The following RICTOR variants were observed in gnomAD, a reference collection of about 807,000 sequenced individuals.
RICTOR encodes the protein rapamycin-insensitive companion of mTOR.
Under a neutral mutation model 214.9 loss-of-function variants are expected in RICTOR, and 49 were observed. That is an observed-to-expected ratio of 0.23 (90% CI 0.18 to 0.29). The LOEUF (loss-of-function observed/expected upper bound fraction) is 0.29. Ranked by LOEUF, RICTOR falls within the 10% of genes least tolerant of loss-of-function variation. The pLI is 1.00. For missense variants in RICTOR, 1,625 were observed against 2,047.0 expected, an observed-to-expected ratio of 0.79 and a Z score of 3.98; for synonymous variants, 717 against 711.3, an observed-to-expected ratio of 1.01 and a Z score of -0.13.
rs755173844 is a variant in RICTOR at position 38,942,786 on chromosome 5, A to G, written c.5052+47T>C. On this transcript the variant is annotated intron_variant, in intron 37 of 37. Coordinates refer to ENST00000357387, the MANE Select transcript of RICTOR (RefSeq NM_152756.5). Reference sequence around the variant, plus strand: ...CTGTATTTTAATTCAATTCAAACACAGAATTATTCTTGGAAGATAAATTTG... The same window carrying G: ...CTGTATTTTAATTCAATTCAAACACGGAATTATTCTTGGAAGATAAATTTG... 5 of 1,437,892 alleles carry G rather than the reference A, an allele frequency of 3.5e-6. No individual in the cohort carries two copies. In the South Asian group the frequency reaches 4.6e-5, roughly 13 times the overall value. 89.1% of individuals were successfully genotyped at this position (1,437,892 alleles called of 1,614,324 possible).
chr5:38,949,639 T>G, intron 31 of RICTOR, 73 bp downstream of exon 31: 1 of 1,362,358 alleles, frequency 7.3e-7, no homozygotes, highest in Non-Finnish European at 1.0e-6. Context: ...GTGTAAAACC[T>G]GGCTAACATT....
intron 8 of RICTOR, 29 bp from the exon 9 acceptor site, chr5:38,978,679 G>A (rs1196662887): frequency 1.7e-6 from 2 of 1,146,246 alleles, no homozygotes; most frequent in Admixed American, 4.1e-5. Flanking sequence ...GAAGAAAAGA[G>A]TCTTTATTTT....
intron 3 of RICTOR, among the ~76,000 whole-genome samples, chr5:39,011,753 C>G (rs535781027): frequency 6.6e-6 from 1 of 152,220 alleles, no homozygotes; most frequent in South Asian, 2.1e-4. Flanking sequence ...GCCTGTAGCT[C>G]TTTTGTTTTG....
At chr5:39,016,071 G>A (rs922459729) in intron 3 of RICTOR, among the ~76,000 whole-genome samples, 5 of 152,046 alleles carry the variant, frequency 3.3e-5, no homozygotes, top group Non-Finnish European at 5.9e-5. Context: ...GACTCAGGGC[G>A]TACTCACTCT....
At chr5:39,058,949 A>C (rs1197413226) in intron 2 of RICTOR, among the ~76,000 whole-genome samples, 1 of 152,174 alleles carries the variant, frequency 6.6e-6, no homozygotes. Context: ...AACTGGCCAA[A>C]ACCTGTTCAA....
intron 27 of RICTOR, among the ~76,000 whole-genome samples, chr5:38,953,898 A>C (rs1454031070): frequency 6.6e-6 from 1 of 151,872 alleles, no homozygotes; most frequent in African/African-American, 2.4e-5. Flanking sequence ...CTTGGCACTT[A>C]GTATTACTAA....
intron 19 of RICTOR, among the ~76,000 whole-genome samples, chr5:38,961,182 G>A (rs1331646725): frequency 6.6e-6 from 1 of 151,954 alleles, no homozygotes; most frequent in Non-Finnish European, 1.5e-5. Flanking sequence ...AGAATTTTAT[G>A]GTGAGATGGT....
chr5:39,056,080 G>A (rs555168073), intron 2 of RICTOR, among the ~76,000 whole-genome samples: 6 of 152,160 alleles, frequency 3.9e-5, no homozygotes, highest in Non-Finnish European at 7.3e-5. Context: ...AACATATTAG[G>A]TTTGATGTAC....
Position 38,959,255 on chromosome 5 carries a change from G to C in RICTOR, c.2118C>G (p.Asp706Glu), listed in dbSNP as rs1312040254. The C allele has an allele frequency of 2.2e-5, 36 of 1,602,004 alleles. No individual in the cohort carries two copies. The highest frequency in any genetic ancestry group is 3.0e-5 in the Non-Finnish European group (35 of 1,173,016). Residue 706 changes from aspartate (D) to glutamate (E), a missense_variant, in exon 22 of 38, where the codon GAC (aspartate) becomes GAG (glutamate). This residue lies in a region of RICTOR where 1,214 missense variants were observed against 1,470.5 expected (regional missense o/e 0.83). Coordinates refer to ENST00000357387, the MANE Select transcript of RICTOR (RefSeq NM_152756.5). ...HLLKLTVSSL[D>E]YSRDGLARVI... Reference sequence around the variant, plus strand: ...CTCTAGCCAATCCATCTCTGCTATAGTCCAAGCTAGAAACAGTAAGTTTTA... The same window carrying C: ...CTCTAGCCAATCCATCTCTGCTATACTCCAAGCTAGAAACAGTAAGTTTTA...
At chr5:38,945,456 C>T in intron 34 of RICTOR, 35 bp downstream of exon 34, 1 of 1,402,872 alleles carries the variant, frequency 7.1e-7, no homozygotes, top group Non-Finnish European at 1.0e-6. Flanking sequence ...TTAGTCATCA[C>T]TAGGTTTTTC....
chr5:39,061,814 CTT>C (rs1223710790), intron 2 of RICTOR, among the ~76,000 whole-genome samples: 1 of 151,794 alleles, frequency 6.6e-6, no homozygotes, highest in African/African-American at 2.4e-5. Context: ...CAACCAGAAT[CTT>C]TTCAAATATA....
At chr5:38,964,637 T>C (rs1366190668) in intron 16 of RICTOR, among the ~76,000 whole-genome samples, 155 bp downstream of exon 16, 1 of 151,936 alleles carries the variant, frequency 6.6e-6, no homozygotes, top group Non-Finnish European at 1.5e-5. Flanking sequence ...AATTATTAAA[T>C]ATTTTTAGAA....
intron 6 of RICTOR, among the ~76,000 whole-genome samples, chr5:38,992,373 A>G (rs1752852739): frequency 6.6e-6 from 1 of 152,146 alleles, no homozygotes; most frequent in Non-Finnish European, 1.5e-5. Flanking sequence ...GATTATTATT[A>G]TTCTTATAAG....
At chr5:38,975,980 G>C (rs10941416) in intron 9 of RICTOR, among the ~76,000 whole-genome samples, 145,443 of 152,274 alleles carry the variant, frequency 0.96, 69,588 homozygotes, top group East Asian at 0.99. Flanking sequence ...CACACACACT[G>C]TTTACTTCAC....
chr5:39,074,025 GC>G (rs1759530646), intron 2 of RICTOR, 85 bp downstream of exon 2: 1 of 1,014,612 alleles, frequency 9.9e-7, no homozygotes. Context: ...CCCGTGCGGG[GC>G]CCGCCCCTGC....
In RICTOR at chr5:39,063,414, C is replaced by T. The variant is rs1758683337; in HGVS notation, c.97+10697G>A. 3.3e-5 allele frequency among the ~76,000 whole-genome samples: 5 copies of T among 152,248 alleles called. No homozygotes were observed. In the South Asian group the frequency reaches 1.0e-3, roughly 32 times the overall value. ...TTATCTTGAAATACTAAATAATGTA[C>T]CAGGAAAACGTTCATTCAAAAAATT... On this transcript the variant is annotated intron_variant, in intron 2 of 37. Coordinates refer to ENST00000357387, the MANE Select transcript of RICTOR (RefSeq NM_152756.5).
chr5:39,051,476 C>T (rs978502182), intron 2 of RICTOR, among the ~76,000 whole-genome samples: 14 of 152,136 alleles, frequency 9.2e-5, no homozygotes, highest in Admixed American at 3.3e-4. Flanking sequence ...CGGCTGGGCA[C>T]GGTGGCTCAC....
At chr5:39,068,057 AAAT>A (rs1459934388) in intron 2 of RICTOR, among the ~76,000 whole-genome samples, 2 of 152,220 alleles carry the variant, frequency 1.3e-5, no homozygotes, top group Non-Finnish European at 2.9e-5. Context: ...GCAATTTAGA[AAAT>A]AATAAATAAA....
chr5:39,038,044 G>C (rs1208738471), intron 2 of RICTOR, among the ~76,000 whole-genome samples: 7 of 152,170 alleles, frequency 4.6e-5, no homozygotes, highest in Admixed American at 2.0e-4. Context: ...CAATATCCCT[G>C]ATGAACATTG....
Sources: allele counts gnomAD v4.1 joint callset (sites outside exome capture counted in the v4.1 genomes callset), GRCh38; gene constraint gnomAD v4.1.1; regional missense constraint gnomAD v4.1.1; transcripts MANE v1.5; gene names NCBI Gene and HGNC (gene_info 2026-07-23, HGNC 2026-07-21).